CNTN1: variants seen among roughly 807,000 people sequenced by gnomAD.
CNTN1 encodes contactin-1.
In CNTN1, 38 loss-of-function variants were observed where a neutral mutation model predicts 126.4. The ratio of observed to expected loss-of-function variants is 0.30; its 90% CI spans 0.23 to 0.39. The LOEUF (loss-of-function observed/expected upper bound fraction) is 0.39, where lower values mean the gene tolerates loss of function less well. Among genes scored for constraint, CNTN1 ranks in the 10% least tolerant of loss-of-function variants. The pLI, the probability that CNTN1 is intolerant of heterozygous loss-of-function variation, is 1.00. For synonymous variants in CNTN1, 413 were observed against 422.6 expected (o/e 0.98, Z 0.28); for missense variants, 1,009 against 1,248.4 (o/e 0.81, Z 2.89).
At chr12:40,728,380 C>A (rs187343862) in intron 1 of CNTN1, among the ~76,000 whole-genome samples, 46 of 152,122 alleles carry the variant, frequency 3.0e-4, no homozygotes, top group Admixed American at 3.0e-3. Flanking sequence ...GGGCAAGTGA[C>A]CATATCCAGG....
At chr12:40,957,823 C>A (rs1006766599) in intron 14 of CNTN1, among the ~76,000 whole-genome samples, 5 of 151,924 alleles carry the variant, frequency 3.3e-5, no homozygotes, top group African/African-American at 1.2e-4. Flanking sequence ...TATTAATATT[C>A]TGTTCCAACT....
At chr12:40,946,782 T>A (rs1592300161) in intron 14 of CNTN1, among the ~76,000 whole-genome samples, 2 of 152,226 alleles carry the variant, frequency 1.3e-5, no homozygotes, top group South Asian at 2.1e-4. Flanking sequence ...TATGCACTGA[T>A]TTTAGCTTGC....
chr12:40,883,834 A>G (rs889037081), intron 1 of CNTN1, among the ~76,000 whole-genome samples: 3 of 151,660 alleles, frequency 2.0e-5, no homozygotes, highest in African/African-American at 7.2e-5. Context: ...GTGCAAGGAT[A>G]AAGTTGTGAG....
chr12:40,750,471 G>A (rs1309582748), intron 1 of CNTN1, among the ~76,000 whole-genome samples: 1 of 151,914 alleles, frequency 6.6e-6, no homozygotes, highest in Admixed American at 6.6e-5. Context: ...ATATTTGAAA[G>A]TTCTCTTTTG....
At chr12:41,061,297 T>C (rs1429926868) in intron 23 of CNTN1, among the ~76,000 whole-genome samples, 1 of 152,214 alleles carries the variant, frequency 6.6e-6, no homozygotes, top group Non-Finnish European at 1.5e-5. Context: ...ATCACTCTAT[T>C]GGAAATGCTC....
At chr12:40,786,866 C>T (rs1343233900) in intron 1 of CNTN1, among the ~76,000 whole-genome samples, 2 of 152,130 alleles carry the variant, frequency 1.3e-5, no homozygotes, top group Non-Finnish European at 2.9e-5. Flanking sequence ...TGCTCACTTC[C>T]ATCTTTCAGT....
At chr12:40,772,959 A>G (rs1164644734) in intron 1 of CNTN1, among the ~76,000 whole-genome samples, 8 of 151,930 alleles carry the variant, frequency 5.3e-5, no homozygotes, top group African/African-American at 1.2e-4. Context: ...AGAAGTATAC[A>G]TATCGTGTGT....
At chr12:41,041,673 T>C (rs1949414247) in intron 23 of CNTN1, among the ~76,000 whole-genome samples, 1 of 152,192 alleles carries the variant, frequency 6.6e-6, no homozygotes, top group Admixed American at 6.6e-5. Flanking sequence ...AATTTATCCA[T>C]TTCTTCTAGA....
intron 23 of CNTN1, among the ~76,000 whole-genome samples, chr12:41,038,104 G>A (rs1949308725): frequency 6.6e-6 from 1 of 152,110 alleles, no homozygotes; most frequent in South Asian, 2.1e-4. Flanking sequence ...GTTGCAGTGA[G>A]CCAAGATGGC....
At chr12:40,833,294 C>T (rs1941927095) in intron 1 of CNTN1, among the ~76,000 whole-genome samples, 1 of 152,072 alleles carries the variant, frequency 6.6e-6, no homozygotes, top group Non-Finnish European at 1.5e-5. Flanking sequence ...CAGGGTTTCA[C>T]CATGTTGGCC....
intron 1 of CNTN1, among the ~76,000 whole-genome samples, chr12:40,873,133 G>A (rs1205764521): frequency 1.3e-5 from 2 of 152,126 alleles, no homozygotes. Flanking sequence ...CTTACAGAAA[G>A]TGGAACATAT....
chr12:40,815,281 G>A (rs981730651), intron 1 of CNTN1, among the ~76,000 whole-genome samples: 9 of 152,148 alleles, frequency 5.9e-5, no homozygotes, highest in African/African-American at 2.2e-4. Context: ...TCCTATCCAT[G>A]AGGATGGAAT....
rs1208093195 is a variant in CNTN1 at position 40,813,058 on chromosome 12, T to TCTTCCTTC, written c.-76-95275_-76-95268dup. Among the ~76,000 whole-genome samples the TCTTCCTTC allele has an allele frequency of 2.1e-3, 222 of 104,764 alleles. 1 individual carries two copies. Among genetic ancestry groups the TCTTCCTTC allele is most frequent in the African/African-American group, 6.8e-3 (196 of 28,680 alleles). 68.7% of individuals were successfully genotyped at this position (104,764 alleles called of 152,430 possible). ...TCTTTCCTTTCTTTCTTTCTTTCTTTCTTCCTTCCTTCCTTCCTTCCTTCC... is the reference window on the plus strand; with the variant it reads ...TCTTTCCTTTCTTTCTTTCTTTCTTTCTTCCTTCCTTCCTTCCTTCCTTCCTTCCTTCC... On this transcript the variant is annotated intron_variant, in intron 1 of 23. Coordinates refer to ENST00000551295, the MANE Select transcript of CNTN1 (RefSeq NM_001843.4).
chr12:40,703,389 AT>A (rs1209497306), intron 1 of CNTN1, among the ~76,000 whole-genome samples: 1 of 152,134 alleles, frequency 6.6e-6, no homozygotes, highest in Non-Finnish European at 1.5e-5. Flanking sequence ...TTTCATCGTT[AT>A]TTTTAGTATT....
At chr12:40,752,539 C>T (rs1210819413) in intron 1 of CNTN1, among the ~76,000 whole-genome samples, 1 of 151,968 alleles carries the variant, frequency 6.6e-6, no homozygotes, top group East Asian at 1.9e-4. Context: ...TCACATTCTC[C>T]CCTTAGTGCT....
intron 1 of CNTN1, among the ~76,000 whole-genome samples, chr12:40,904,595 A>AT (rs1565916560): frequency 6.6e-6 from 1 of 151,460 alleles, no homozygotes; most frequent in Non-Finnish European, 1.5e-5. Context: ...TGCTCAGCTA[A>AT]TTTTTTGTAT....
chr12:40,809,812 T>TCACACACACA (rs1491201033), intron 1 of CNTN1, among the ~76,000 whole-genome samples: 132 of 42,118 alleles, frequency 3.1e-3, no homozygotes, highest in African/African-American at 0.011. Flanking sequence ...TGAGACTCTG[T>TCACACACACA]CTCACACACA....
At chr12:40,996,701 T>C (rs1385613828) in intron 17 of CNTN1, among the ~76,000 whole-genome samples, 2 of 152,248 alleles carry the variant, frequency 1.3e-5, no homozygotes, top group African/African-American at 4.8e-5. Context: ...TTTTATGTAA[T>C]TTTCAATAAT....
chr12:40,767,362 G>T (rs1189155093), intron 1 of CNTN1, among the ~76,000 whole-genome samples: 2 of 129,248 alleles, frequency 1.5e-5, no homozygotes, highest in Non-Finnish European at 3.1e-5. Context: ...AGGCTGGAGT[G>T]CAGTGGCACG....
Sources: allele counts gnomAD v4.1 joint callset (sites outside exome capture counted in the v4.1 genomes callset), GRCh38; gene constraint gnomAD v4.1.1; transcripts MANE v1.5; gene names NCBI Gene and HGNC (gene_info 2026-07-23, HGNC 2026-07-21).